SRD5A2: variants seen among roughly 807,000 people sequenced by gnomAD.
SRD5A2 encodes the protein steroid 5 alpha-reductase 2, also known as 3-oxo-5-alpha-steroid 4-dehydrogenase 2.
Under a neutral mutation model 27.4 loss-of-function variants are expected in SRD5A2, and 30 were observed. The ratio of observed to expected loss-of-function variants is 1.10; its 90% CI spans 0.82 to 1.49. The LOEUF (loss-of-function observed/expected upper bound fraction) is 1.49. SRD5A2 is among the 40% of genes most tolerant of loss of function. The pLI is 0.00. For synonymous variants in SRD5A2, 141 were observed against 133.6 expected (o/e 1.06, Z -0.38); for missense variants, 348 against 323.4 (o/e 1.08, Z -0.58).
chr2:31,637,239 G>A, the SRD5A2 span, among the ~76,000 whole-genome samples: 1 of 151,922 alleles, frequency 6.6e-6, no homozygotes, highest in Non-Finnish European at 1.5e-5. Flanking sequence ...TTTCCTCTAA[G>A]TTTTCCAACT....
chr2:31,545,628 A>C (rs771648848), intron 1 of SRD5A2, among the ~76,000 whole-genome samples: 3 of 152,188 alleles, frequency 2.0e-5, no homozygotes, highest in African/African-American at 7.2e-5. Context: ...TCAAAGATGA[A>C]AGCTCTTCTT....
intron 1 of SRD5A2, among the ~76,000 whole-genome samples, chr2:31,574,977 T>C (rs752174045): frequency 1.3e-5 from 2 of 152,248 alleles, no homozygotes; most frequent in Non-Finnish European, 2.9e-5. Flanking sequence ...ATAGAGATCA[T>C]GACCTGGCTT....
At chr2:31,630,325 G>A in the SRD5A2 span, among the ~76,000 whole-genome samples, 3 of 152,060 alleles carry the variant, frequency 2.0e-5, no homozygotes, top group Middle Eastern at 3.2e-3. Context: ...GAGAGAGAGA[G>A]AAAAGAGAGA....
At chr2:31,548,481 G>T (rs1344796199) in intron 1 of SRD5A2, among the ~76,000 whole-genome samples, 1 of 152,096 alleles carries the variant, frequency 6.6e-6, no homozygotes, top group African/African-American at 2.4e-5. Context: ...CTGAAAAGAT[G>T]CTCAACATCA....
At chr2:31,581,030 C>T (rs1308482189), upstream of SRD5A2, 3 of 1,025,076 alleles carry the variant, frequency 2.9e-6, no homozygotes, top group Non-Finnish European at 4.1e-6. Context: ...TCCATCCTGC[C>T]TCCCACCTCG....
At chr2:31,559,667 A>C (rs914218270) in intron 1 of SRD5A2, among the ~76,000 whole-genome samples, 1 of 152,124 alleles carries the variant, frequency 6.6e-6, no homozygotes, top group Non-Finnish European at 1.5e-5. Context: ...AAGAAAAAGG[A>C]GGCAAATGAA....
the SRD5A2 span, among the ~76,000 whole-genome samples, chr2:31,598,734 G>A: frequency 6.6e-6 from 1 of 151,214 alleles, no homozygotes; most frequent in South Asian, 2.1e-4. Flanking sequence ...CCTTACTAAA[G>A]GAAGACAGGA....
In SRD5A2 at chr2:31,580,717, C is replaced by T. The variant is rs1340733222; in HGVS notation, c.184G>A (p.Ala62Thr). 4 of 1,606,418 alleles carry T rather than the reference C, an allele frequency of 2.5e-6. No individual in the cohort carries two copies. Among genetic ancestry groups the T allele is most frequent in the Non-Finnish European group, 1.7e-6 (2 of 1,179,228 alleles). The change falls in exon 1 of 5, where the codon GCG (alanine) becomes ACG (threonine). Residue 62 changes from alanine (A) to threonine (T), a missense_variant. Physicochemically the swap from Ala to Thr is moderately conservative, Grantham distance 58. Transcript: ENST00000622030. Reference protein sequence around the residue: ...AWFLQELPSFAVPAGILARQP... With the variant: ...AWFLQELPSFTVPAGILARQP... ...CGGGCGAGGATCCCCGCGGGCACCG[C>T]GAAGGAAGGCAGCTCCTGCAGGAAC...
At chr2:31,575,710 G>C (rs926983080) in intron 1 of SRD5A2, among the ~76,000 whole-genome samples, 5 of 152,302 alleles carry the variant, frequency 3.3e-5, no homozygotes, top group Middle Eastern at 3.4e-3. Context: ...ACTCTAATGT[G>C]TGCATTATAC....
At chr2:31,633,953 A>T in the SRD5A2 span, among the ~76,000 whole-genome samples, 127 of 152,306 alleles carry the variant, frequency 8.3e-4, no homozygotes, top group South Asian at 4.8e-3. Context: ...AATAAAAAAA[A>T]TTTTTTTAAA....
the SRD5A2 span, among the ~76,000 whole-genome samples, chr2:31,639,151 T>C: frequency 1.1e-4 from 16 of 152,174 alleles, no homozygotes; most frequent in East Asian, 2.9e-3. Flanking sequence ...AGATGACAAC[T>C]TATCTTAGAT....
At chr2:31,537,316 G>C (rs1331125480) in intron 1 of SRD5A2, among the ~76,000 whole-genome samples, 1 of 151,730 alleles carries the variant, frequency 6.6e-6, no homozygotes, top group African/African-American at 2.4e-5. Context: ...TTCCTTTATA[G>C]CAACTCCAGA....
chr2:31,633,000 C>T, the SRD5A2 span, among the ~76,000 whole-genome samples: 1 of 152,158 alleles, frequency 6.6e-6, no homozygotes. Context: ...TACATGCCAC[C>T]TAAAGAGGTG....
At chr2:31,551,850 G>A (rs1309296908) in intron 1 of SRD5A2, among the ~76,000 whole-genome samples, 1 of 152,072 alleles carries the variant, frequency 6.6e-6, no homozygotes, top group Non-Finnish European at 1.5e-5. Context: ...TAGACACATA[G>A]ATTGACAAAA....
At chr2:31,589,643 A>T in the SRD5A2 span, among the ~76,000 whole-genome samples, 1 of 152,128 alleles carries the variant, frequency 6.6e-6, no homozygotes, top group Admixed American at 6.5e-5. Context: ...TCAGGAAGGG[A>T]GGGCAGCCAG....
the SRD5A2 span, among the ~76,000 whole-genome samples, chr2:31,632,143 CA>C: frequency 6.6e-6 from 1 of 151,856 alleles, no homozygotes; most frequent in Non-Finnish European, 1.5e-5. Flanking sequence ...ACCTTAGGTC[CA>C]GAGCAAAACT....
In SRD5A2 at chr2:31,525,920, T is replaced by C. The variant is rs1490701203; in HGVS notation, c.*276A>G. 3 of 358,466 alleles carry C rather than the reference T, an allele frequency of 8.4e-6. No individual in the cohort carries two copies. The highest frequency in any genetic ancestry group is 1.0e-5 in the Non-Finnish European group (2 of 196,500). 22.2% of individuals were successfully genotyped at this position (358,466 alleles called of 1,614,324 possible). The stretch of plus-strand genomic sequence containing the variant: ...GCCCGGTGAAAGACATAGGAGAAGT[T>C]TGTACTTTCTCAGAGCAATAGCTAA... On this transcript the variant is annotated 3_prime_UTR_variant, in exon 5 of 5. Coordinates refer to ENST00000622030, the MANE Select transcript of SRD5A2 (RefSeq NM_000348.4).
chr2:31,627,857 G>GT, the SRD5A2 span, among the ~76,000 whole-genome samples: 3 of 151,676 alleles, frequency 2.0e-5, no homozygotes, highest in African/African-American at 4.8e-5. Context: ...TTTTTTTGTT[G>GT]TTTTTTTAAT....
chr2:31,578,005 C>G (rs1218764556), intron 1 of SRD5A2, among the ~76,000 whole-genome samples: 1 of 151,914 alleles, frequency 6.6e-6, no homozygotes, highest in Non-Finnish European at 1.5e-5. Context: ...ATGAAATAAG[C>G]AGATATTAAG....
Sources: allele counts gnomAD v4.1 joint callset (sites outside exome capture counted in the v4.1 genomes callset), GRCh38; gene constraint gnomAD v4.1.1; transcripts MANE v1.5; gene names NCBI Gene and HGNC (gene_info 2026-07-23, HGNC 2026-07-21).